ANO6: variants seen among roughly 807,000 people sequenced by gnomAD.
ANO6 encodes the protein anoctamin 6.
Under a neutral mutation model 117.5 loss-of-function variants are expected in ANO6, and 106 were observed. That is an observed-to-expected ratio of 0.90 (90% CI 0.77 to 1.06). ANO6 has a LOEUF of 1.06. Among genes scored for constraint, ANO6 ranks in the 50% least tolerant of loss-of-function variants. The pLI is 0.00. For missense variants in ANO6, 955 were observed against 1,121.1 expected (o/e 0.85, Z 2.12); for synonymous variants, 367 against 385.1 (o/e 0.95, Z 0.55).
chr12:45,271,493 A>G (rs931370125), intron 1 of ANO6, among the ~76,000 whole-genome samples: 1 of 152,234 alleles, frequency 6.6e-6, no homozygotes, highest in Non-Finnish European at 1.5e-5. Flanking sequence ...TAAAGCAGCC[A>G]CATTCTGTTA....
At chr12:45,425,271 A>T (rs1381408786) in intron 19 of ANO6, among the ~76,000 whole-genome samples, 1 of 152,200 alleles carries the variant, frequency 6.6e-6, no homozygotes, top group Non-Finnish European at 1.5e-5. Context: ...CTCCTGATAT[A>T]TCACAGGGAG....
intron 1 of ANO6, among the ~76,000 whole-genome samples, chr12:45,228,733 G>A (rs1947528034): frequency 6.6e-6 from 1 of 152,094 alleles, no homozygotes; most frequent in Admixed American, 6.5e-5. Flanking sequence ...TAGCACCTGG[G>A]GGAAAGGATC....
Position 45,216,462 on chromosome 12 carries a change from G to T in ANO6, c.70+71G>T, listed in dbSNP as rs184274302. ...GCGGGAAGAAGTTCGGGGACTGCGC[G>T]GGGGCGCTGTGCTCTCCGCGGGGGA... is the stretch of plus-strand genomic sequence containing the variant. On this transcript the variant is annotated intron_variant, in intron 1 of 19. Coordinates refer to ENST00000320560, the MANE Select transcript of ANO6 (RefSeq NM_001025356.3). 1.2e-5 allele frequency: 19 copies of T among 1,540,460 alleles called. No individual in the cohort carries two copies. In the East Asian group the frequency reaches 3.3e-4, roughly 27 times the overall value.
Position 45,401,878 on chromosome 12 carries a change from G to A in ANO6, c.1470G>A (p.Lys490=), listed in dbSNP as rs1942799054. The part of the protein sequence containing the change: ...VFIVFSAKLP[K]NINGTDPIQK... ...TTGTATTTTCTGCAAAACTTCCCAA[G>A]AACATTAATGGAACAGACCCAATCC... The change falls in exon 13 of 20, where the codon AAG becomes AAA. Residue 490 remains lysine (K), a synonymous_variant. Transcript: ENST00000320560. The A allele has an allele frequency of 1.2e-6, 2 of 1,613,686 alleles. No homozygotes were observed. The highest frequency in any genetic ancestry group is 1.7e-6 in the Non-Finnish European group (2 of 1,179,964).
chr12:45,333,579 T>C (rs983112866), intron 3 of ANO6, among the ~76,000 whole-genome samples: 3 of 152,006 alleles, frequency 2.0e-5, no homozygotes, highest in African/African-American at 7.2e-5. Flanking sequence ...AAGGTAACTC[T>C]CATAAATAAG....
At chr12:45,320,796 G>T (rs1191867793) in intron 2 of ANO6, among the ~76,000 whole-genome samples, 1 of 152,122 alleles carries the variant, frequency 6.6e-6, no homozygotes, top group African/African-American at 2.4e-5. Flanking sequence ...ATGAATCTGG[G>T]TGCTCCTGTA....
At chr12:45,336,075 T>C (rs79304500) in intron 3 of ANO6, among the ~76,000 whole-genome samples, 2,027 of 152,130 alleles carry the variant, frequency 0.013, 37 homozygotes, top group African/African-American at 0.047. Context: ...TTAATGGGAA[T>C]GTTTCTAAAA....
intron 1 of ANO6, among the ~76,000 whole-genome samples, chr12:45,223,325 A>G (rs577161835): frequency 3.2e-4 from 48 of 152,324 alleles, no homozygotes; most frequent in Non-Finnish European, 5.4e-4. Flanking sequence ...ATCTCCAGGT[A>G]AATAGTGTCA....
At chr12:45,350,170 G>T (rs1941243292) in intron 6 of ANO6, among the ~76,000 whole-genome samples, 1 of 152,170 alleles carries the variant, frequency 6.6e-6, no homozygotes, top group Non-Finnish European at 1.5e-5. Flanking sequence ...CAGCTTTATT[G>T]TTTGTTTTCT....
At chr12:45,301,705 G>T (rs1250472426) in intron 1 of ANO6, among the ~76,000 whole-genome samples, 2 of 152,034 alleles carry the variant, frequency 1.3e-5, no homozygotes, top group Non-Finnish European at 2.9e-5. Context: ...CATCAGTAAA[G>T]TGTTTCTTAG....
At chr12:45,367,287 T>C (rs1941710669) in intron 8 of ANO6, among the ~76,000 whole-genome samples, 1 of 152,222 alleles carries the variant, frequency 6.6e-6, no homozygotes, top group South Asian at 2.1e-4. Flanking sequence ...TGGCCTTTAC[T>C]CAACTTATTA....
intron 1 of ANO6, among the ~76,000 whole-genome samples, chr12:45,238,784 A>G (rs925696459): frequency 5.3e-5 from 8 of 152,214 alleles, no homozygotes; most frequent in East Asian, 1.9e-4. Context: ...CCTTTTCTGC[A>G]TCTATTGAGA....
chr12:45,367,653 T>C (rs1221967063), intron 8 of ANO6, 35 bp from the exon 9 acceptor site: 1 of 1,565,584 alleles, frequency 6.4e-7, no homozygotes, highest in Non-Finnish European at 8.8e-7. Context: ...CTGCTTTAAA[T>C]TTTTTAAAAT....
intron 2 of ANO6, among the ~76,000 whole-genome samples, chr12:45,303,004 C>A (rs1466080672): frequency 1.3e-5 from 2 of 152,140 alleles, no homozygotes; most frequent in Non-Finnish European, 2.9e-5. Flanking sequence ...ACCAAAAAAA[C>A]CTCATTATGT....
rs900878303 is a variant in ANO6 at position 45,388,411 on chromosome 12, G to C, written c.1308+108G>C. ...GGGAGCTTAAAAAATATTGATACCT[G>C]AGTTCCATCACTACATACTCTGGTA... On this transcript the variant is annotated intron_variant, in intron 11 of 19. Transcript: ENST00000320560. 4 of 1,384,762 alleles carry C rather than the reference G, an allele frequency of 2.9e-6. No homozygotes were observed. In the African/African-American group the frequency reaches 5.7e-5, roughly 20 times the overall value. 85.8% of individuals were successfully genotyped at this position (1,384,762 alleles called of 1,614,324 possible).
chr12:45,312,893 T>G (rs1180495267), intron 2 of ANO6, among the ~76,000 whole-genome samples: 3 of 152,098 alleles, frequency 2.0e-5, no homozygotes, highest in African/African-American at 7.2e-5. Context: ...ACCATACTTG[T>G]AGCTGGAATA....
chr12:45,408,064 G>A (rs1391754482), intron 15 of ANO6, among the ~76,000 whole-genome samples: 3 of 152,172 alleles, frequency 2.0e-5, no homozygotes, highest in African/African-American at 7.2e-5. Context: ...GAGATCAATA[G>A]CAGTGGGAAA....
At chr12:45,372,208 A>G (rs1941862439) in intron 9 of ANO6, among the ~76,000 whole-genome samples, 1 of 151,040 alleles carries the variant, frequency 6.6e-6, no homozygotes, top group African/African-American at 2.4e-5. Flanking sequence ...ATATGGGACT[A>G]TGTGAAAAGA....
intron 1 of ANO6, among the ~76,000 whole-genome samples, chr12:45,300,249 A>C (rs1939436500): frequency 6.6e-6 from 1 of 152,162 alleles, no homozygotes. Flanking sequence ...CTGCATGATC[A>C]CAGTCACTGT....
Sources: allele counts gnomAD v4.1 joint callset (sites outside exome capture counted in the v4.1 genomes callset), GRCh38; gene constraint gnomAD v4.1.1; transcripts MANE v1.5; gene names NCBI Gene and HGNC (gene_info 2026-07-23, HGNC 2026-07-21).